The following CTNNA2 variants were observed in gnomAD, a reference collection of about 807,000 sequenced individuals.
The protein encoded by CTNNA2 is catenin alpha 2.
Under a neutral mutation model 101.0 loss-of-function variants are expected in CTNNA2, and 42 were observed. The ratio of observed to expected loss-of-function variants is 0.42; its 90% CI spans 0.32 to 0.54. The LOEUF is 0.54. CTNNA2 is among the 20% of genes least tolerant of loss of function. The pLI, the probability that CTNNA2 is intolerant of heterozygous loss-of-function variation, is 0.14. For missense variants in CTNNA2, 871 were observed against 1,223.1 expected (o/e 0.71, Z 4.29); for synonymous variants, 450 against 456.4 (o/e 0.99, Z 0.18).
intron 3 of CTNNA2, among the ~76,000 whole-genome samples, chr2:79,354,105 T>C (rs186105039): frequency 3.7e-4 from 56 of 152,256 alleles, no homozygotes; most frequent in African/African-American, 1.2e-3. Context: ...TTTTAAAGAA[T>C]ACTTTTTCTT....
chr2:79,330,809 C>T (rs1676854444), intron 3 of CTNNA2, among the ~76,000 whole-genome samples: 5 of 152,192 alleles, frequency 3.3e-5, no homozygotes. Context: ...GATTGTGAGG[C>T]CTCCCCAGCC....
chr2:79,962,486 T>TAA (rs1689712260), intron 7 of CTNNA2, among the ~76,000 whole-genome samples: 1 of 152,240 alleles, frequency 6.6e-6, no homozygotes, highest in African/African-American at 2.4e-5. Context: ...TTATCATCTT[T>TAA]TATTTTTTGG....
chr2:79,467,975 A>G (rs1470978704), intron 4 of CTNNA2, among the ~76,000 whole-genome samples: 20 of 152,240 alleles, frequency 1.3e-4, no homozygotes, highest in Non-Finnish European at 2.2e-4. Context: ...ATCAACTAAC[A>G]AGCAAAATAA....
At chr2:80,416,900 G>C (rs1396390259) in intron 8 of CTNNA2, among the ~76,000 whole-genome samples, 3 of 151,836 alleles carry the variant, frequency 2.0e-5, no homozygotes, top group African/African-American at 7.3e-5. Flanking sequence ...CTCTTTCCTT[G>C]AGTATCTTAA....
chr2:79,394,787 A>ATT (rs5832387), intron 4 of CTNNA2, among the ~76,000 whole-genome samples: 3 of 151,868 alleles, frequency 2.0e-5, no homozygotes, highest in Non-Finnish European at 2.9e-5. Context: ...ACTTAAAAAA[A>ATT]TTTTTTTTGT....
At chr2:79,634,105 T>G (rs1679863164) in intron 1 of CTNNA2, among the ~76,000 whole-genome samples, 1 of 152,234 alleles carries the variant, frequency 6.6e-6, no homozygotes, top group Admixed American at 6.5e-5. Flanking sequence ...AAGCAGGTGA[T>G]TTATCAAGAG....
chr2:79,992,641 G>T lies in CTNNA2; in HGVS notation c.1056+82844G>T, dbSNP rs117900209. On this transcript the variant is annotated intron_variant, in intron 7 of 18. Coordinates refer to ENST00000402739, the MANE Select transcript of CTNNA2 (RefSeq NM_001282597.3). The stretch of plus-strand genomic sequence containing the variant: ...TTTATATGGGAGTTGTATTTTCCTT[G>T]TGAAGGTGGTAGTAGTTGTCGAAAT... Among the ~76,000 whole-genome samples, 22 of 152,286 alleles carry T rather than the reference G, an allele frequency of 1.4e-4. No homozygotes were observed. In the East Asian group the frequency reaches 3.3e-3, roughly 23 times the overall value.
intron 7 of CTNNA2, among the ~76,000 whole-genome samples, chr2:80,070,450 G>A (rs1698256941): frequency 6.6e-6 from 1 of 152,142 alleles, no homozygotes; most frequent in African/African-American, 2.4e-5. Flanking sequence ...CCTCACACCT[G>A]TAATCCCAGC....
At chr2:79,885,877 G>C (rs1471742290) in intron 6 of CTNNA2, among the ~76,000 whole-genome samples, 1 of 152,162 alleles carries the variant, frequency 6.6e-6, no homozygotes, top group African/African-American at 2.4e-5. Context: ...ACTACTCCAA[G>C]CTCTACAAAT....
At chr2:80,009,235 C>T (rs1693595034) in intron 7 of CTNNA2, among the ~76,000 whole-genome samples, 1 of 152,152 alleles carries the variant, frequency 6.6e-6, no homozygotes, top group East Asian at 1.9e-4. Context: ...TGAGCTTCTC[C>T]CCACACCTCC....
chr2:80,605,417 A>G (rs995115461), intron 16 of CTNNA2: 2 of 152,018 alleles, frequency 1.3e-5, no homozygotes, highest in African/African-American at 4.8e-5. Context: ...TGGAAATATT[A>G]ACATGAATTT....
chr2:80,454,369 T>G (rs1019364399), intron 9 of CTNNA2, among the ~76,000 whole-genome samples: 1 of 152,050 alleles, frequency 6.6e-6, no homozygotes, highest in Non-Finnish European at 1.5e-5. Flanking sequence ...ACCTCGGGAG[T>G]TCTGGGTTCA....
At chr2:80,296,123 TAGAGGCATGCAATGTGTA>T (rs1675718513) in intron 7 of CTNNA2, among the ~76,000 whole-genome samples, 2 of 152,158 alleles carry the variant, frequency 1.3e-5, no homozygotes, top group Admixed American at 6.5e-5. Flanking sequence ...GATATTTTGA[TAGAGGCATGCAATGTGTA>T]ACAATTGCAT....
At chr2:79,612,411 T>C (rs1206713720) in intron 1 of CTNNA2, among the ~76,000 whole-genome samples, 1 of 152,190 alleles carries the variant, frequency 6.6e-6, no homozygotes, top group Non-Finnish European at 1.5e-5. Context: ...AATGTTTCAT[T>C]GTTAGGTAGA....
At chr2:79,782,704 G>T (rs1573957248) in intron 3 of CTNNA2, among the ~76,000 whole-genome samples, 1 of 152,136 alleles carries the variant, frequency 6.6e-6, no homozygotes, top group Admixed American at 6.5e-5. Context: ...CTCTACATAA[G>T]AATCACTTTG....
chr2:80,247,665 C>A (rs1198667408), intron 7 of CTNNA2, among the ~76,000 whole-genome samples: 5 of 152,138 alleles, frequency 3.3e-5, no homozygotes, highest in East Asian at 1.9e-4. Context: ...TTCCATTCTT[C>A]CTTTTTAGAA....
chr2:79,418,344 A>G (rs905440368), intron 4 of CTNNA2, among the ~76,000 whole-genome samples: 1 of 152,108 alleles, frequency 6.6e-6, no homozygotes, highest in South Asian at 2.1e-4. Context: ...AGCTTTACAA[A>G]GGTGGTTGGT....
At chr2:79,910,208 A>G (rs1319303787) in intron 7 of CTNNA2, among the ~76,000 whole-genome samples, 2 of 152,188 alleles carry the variant, frequency 1.3e-5, no homozygotes, top group African/African-American at 4.8e-5. Flanking sequence ...TTCACCCCTA[A>G]GAGGCATTAA....
chr2:79,969,088 C>T (rs986075704), intron 7 of CTNNA2, among the ~76,000 whole-genome samples: 1 of 152,110 alleles, frequency 6.6e-6, no homozygotes, highest in Non-Finnish European at 1.5e-5. Flanking sequence ...TTATGGAGTG[C>T]AGACTGTTGA....
Sources: gnomAD v4.1 joint callset for allele counts (sites outside exome capture counted in the v4.1 genomes callset) on GRCh38, gnomAD v4.1.1 for gene constraint, MANE v1.5 for transcripts, NCBI Gene and HGNC (gene_info 2026-07-23, HGNC 2026-07-21) for gene names.